ADGRL3: variants seen among roughly 807,000 people sequenced by gnomAD.
ADGRL3 encodes the protein calcium-independent alpha-latrotoxin receptor 3.
A neutral mutation model predicts 153.5 loss-of-function variants in ADGRL3; 62 were observed. The ratio of observed to expected loss-of-function variants is 0.40; its 90% confidence interval spans 0.33 to 0.50. ADGRL3 has a LOEUF of 0.50. Among genes scored for constraint, ADGRL3 ranks in the 20% least tolerant of loss-of-function variants. The pLI, the probability that ADGRL3 is intolerant of heterozygous loss-of-function variation, is 0.47. For missense variants in ADGRL3, 1,641 were observed against 1,859.4 expected (o/e 0.88, Z 2.16); for synonymous variants, 710 against 672.5 (o/e 1.06, Z -0.86).
intron 5 of ADGRL3, among the ~76,000 whole-genome samples, chr4:61,646,590 G>A (rs1459603967): frequency 1.3e-5 from 2 of 151,558 alleles, no homozygotes; most frequent in Admixed American, 6.6e-5. Context: ...AGGCTGTTCG[G>A]GGGTCAGGGG....
At chr4:62,022,058 C>A (rs552848737) in intron 21 of ADGRL3, among the ~76,000 whole-genome samples, 27 of 152,306 alleles carry the variant, frequency 1.8e-4, no homozygotes, top group African/African-American at 6.5e-4. Context: ...AAAGCCAATC[C>A]TCTTTAACAG....
intron 1 of ADGRL3, among the ~76,000 whole-genome samples, chr4:61,221,342 T>G (rs1471019020): frequency 6.6e-6 from 1 of 152,158 alleles, no homozygotes; most frequent in East Asian, 1.9e-4. Flanking sequence ...TAGGACTCAG[T>G]GTGTCTTTAT....
At chr4:61,911,124 A>G (rs1173376825) in intron 12 of ADGRL3, among the ~76,000 whole-genome samples, 1 of 152,128 alleles carries the variant, frequency 6.6e-6, no homozygotes, top group Admixed American at 6.6e-5. Context: ...GCTGGATGCT[A>G]TTAATGAATA....
intron 23 of ADGRL3, among the ~76,000 whole-genome samples, chr4:62,036,883 C>T (rs1725290435): frequency 6.6e-6 from 1 of 151,628 alleles, no homozygotes. Flanking sequence ...TTTTATATGC[C>T]TTGTTCAATT....
intron 1 of ADGRL3, among the ~76,000 whole-genome samples, chr4:61,366,379 T>TGA (rs1487249904): frequency 6.6e-6 from 1 of 152,208 alleles, no homozygotes; most frequent in Non-Finnish European, 1.5e-5. Context: ...ATGCCTGTGC[T>TGA]GAGGTTTAAT....
intron 1 of ADGRL3, among the ~76,000 whole-genome samples, chr4:61,353,600 A>T (rs1309438730): frequency 6.7e-5 from 8 of 118,828 alleles, no homozygotes; most frequent in Admixed American, 1.0e-4. Context: ...TTTTCTTTCA[A>T]TTTTTTTTTT....
chr4:61,435,267 T>A (rs1187495869), intron 2 of ADGRL3, among the ~76,000 whole-genome samples: 1 of 152,090 alleles, frequency 6.6e-6, no homozygotes, highest in Non-Finnish European at 1.5e-5. Context: ...TAATTGACAT[T>A]GCCATTCATA....
intron 2 of ADGRL3, among the ~76,000 whole-genome samples, chr4:61,456,086 G>C (rs1238422934): frequency 6.6e-6 from 1 of 151,870 alleles, no homozygotes; most frequent in African/African-American, 2.4e-5. Flanking sequence ...AAAGTGGCAT[G>C]AGCCAATATG....
chr4:61,233,790 G>A (rs972347065), intron 1 of ADGRL3, among the ~76,000 whole-genome samples: 1 of 152,074 alleles, frequency 6.6e-6, no homozygotes, highest in African/African-American at 2.4e-5. Flanking sequence ...CTAATTCTGG[G>A]CCTTGATGGA....
At chr4:61,608,530 T>C (rs1218623669) in intron 5 of ADGRL3, among the ~76,000 whole-genome samples, 1 of 151,900 alleles carries the variant, frequency 6.6e-6, no homozygotes, top group African/African-American at 2.4e-5. Context: ...TCAGTCCACA[T>C]TTTTTTAATG....
chr4:61,593,917 T>G (rs1221442882), intron 5 of ADGRL3, among the ~76,000 whole-genome samples: 1 of 152,118 alleles, frequency 6.6e-6, no homozygotes, highest in Non-Finnish European at 1.5e-5. Flanking sequence ...TTTCTCTCCC[T>G]CCTCTTTAAA....
At chr4:62,008,079 C>T (rs1250497807) in intron 21 of ADGRL3, among the ~76,000 whole-genome samples, 11 of 151,936 alleles carry the variant, frequency 7.2e-5, no homozygotes, top group African/African-American at 2.2e-4. Flanking sequence ...TTTGGCAGAG[C>T]CATTGATGAA....
chr4:61,947,418 GATA>G (rs1560414941), intron 16 of ADGRL3, among the ~76,000 whole-genome samples: 3 of 152,080 alleles, frequency 2.0e-5, no homozygotes, highest in Admixed American at 1.3e-4. Flanking sequence ...GAAAACCACA[GATA>G]ATATTACAAA....
At chr4:61,991,076 A>C (rs2099102163) in intron 19 of ADGRL3, among the ~76,000 whole-genome samples, 1 of 151,848 alleles carries the variant, frequency 6.6e-6, no homozygotes, top group Non-Finnish European at 1.5e-5. Context: ...TATATGCTAG[A>C]CATCTATGTC....
chr4:61,941,128 C>G (rs2098890308), intron 15 of ADGRL3, among the ~76,000 whole-genome samples: 1 of 56,408 alleles, frequency 1.8e-5, no homozygotes, highest in Non-Finnish European at 3.0e-5. Flanking sequence ...AGGAAGGGAT[C>G]CAGTTTCAGC....
At chr4:61,746,531 C>T (rs1228469261) in intron 8 of ADGRL3, among the ~76,000 whole-genome samples, 1 of 152,096 alleles carries the variant, frequency 6.6e-6, no homozygotes, top group Non-Finnish European at 1.5e-5. Context: ...TGCAATCAAA[C>T]TAGAACTCAG....
intron 9 of ADGRL3, among the ~76,000 whole-genome samples, chr4:61,869,529 C>T (rs933304723): frequency 4.0e-5 from 6 of 151,734 alleles, no homozygotes; most frequent in African/African-American, 1.2e-4. Context: ...ACCCGGGAAG[C>T]GGAGCTTGCA....
intron 1 of ADGRL3, among the ~76,000 whole-genome samples, chr4:61,215,056 G>T (rs1311949535): frequency 1.3e-5 from 2 of 152,130 alleles, no homozygotes; most frequent in Non-Finnish European, 2.9e-5. Context: ...CAGTAATGCT[G>T]GTACCTACTG....
At chr4:61,436,205 G>A (rs1456872) in intron 2 of ADGRL3, among the ~76,000 whole-genome samples, 34,337 of 151,740 alleles carry the variant, frequency 0.23, 4,149 homozygotes, top group Middle Eastern at 0.32. Context: ...TCTCTTGTTG[G>A]GCAAGTTATT....
Sources: gnomAD v4.1 joint callset for allele counts (sites outside exome capture counted in the v4.1 genomes callset) on GRCh38, gnomAD v4.1.1 for gene constraint, MANE v1.5 for transcripts, NCBI Gene and HGNC (gene_info 2026-07-23, HGNC 2026-07-21) for gene names.